Variants in GRM5 observed in about 807,000 individuals in gnomAD.
GRM5 encodes glutamate metabotropic receptor 5, also known as metabotropic glutamate receptor 5.
Under a neutral mutation model 83.1 loss-of-function variants are expected in GRM5, and 19 were observed. The ratio of observed to expected loss-of-function variants is 0.23; its 90% CI spans 0.16 to 0.34. GRM5 has a LOEUF of 0.34. GRM5 is among the 10% of genes least tolerant of loss of function. The pLI, the probability that GRM5 is intolerant of heterozygous loss-of-function variation, is 1.00. For synonymous variants in GRM5, 675 were observed against 633.6 expected, an observed-to-expected ratio of 1.07 and a Z score of -0.98; for missense variants, 1,160 against 1,588.3, an observed-to-expected ratio of 0.73 and a Z score of 4.58.
chr11:89,033,028 T>G (rs2135127422), intron 2 of GRM5, among the ~76,000 whole-genome samples: 1 of 152,146 alleles, frequency 6.6e-6, no homozygotes, highest in East Asian at 1.9e-4. Flanking sequence ...ACTCAATATT[T>G]TGTAAGAAAA....
intron 3 of GRM5, among the ~76,000 whole-genome samples, chr11:88,797,765 A>G (rs1450831294): frequency 1.3e-5 from 2 of 151,812 alleles, no homozygotes; most frequent in Non-Finnish European, 2.9e-5. Context: ...GATTATTTCT[A>G]TCTAGATTTT....
At chr11:88,910,075 G>A (rs564495083) in intron 2 of GRM5, among the ~76,000 whole-genome samples, 11 of 152,082 alleles carry the variant, frequency 7.2e-5, no homozygotes, top group African/African-American at 2.6e-4. Context: ...TCACTCCCCA[G>A]TTCCCACTTC....
At chr11:88,997,079 G>A (rs1242368545) in intron 2 of GRM5, among the ~76,000 whole-genome samples, 2 of 152,038 alleles carry the variant, frequency 1.3e-5, no homozygotes, top group Non-Finnish European at 2.9e-5. Context: ...AATCCCAGCA[G>A]TTTGGGAGGC....
intron 2 of GRM5, among the ~76,000 whole-genome samples, chr11:89,022,486 C>CAAAAAAA (rs10573194): frequency 7.9e-6 from 1 of 126,062 alleles, no homozygotes; most frequent in African/African-American, 2.8e-5. Context: ...ACTAAAAATA[C>CAAAAAAA]AAAAAAAAAA....
intron 2 of GRM5, among the ~76,000 whole-genome samples, chr11:88,875,684 C>T (rs1182807756): frequency 6.6e-6 from 1 of 152,038 alleles, no homozygotes; most frequent in African/African-American, 2.4e-5. Context: ...AAATTTCTCC[C>T]TGATCCATGA....
intron 2 of GRM5, among the ~76,000 whole-genome samples, chr11:88,926,971 T>G (rs1177125410): frequency 2.6e-5 from 4 of 152,208 alleles, no homozygotes; most frequent in Admixed American, 2.6e-4. Context: ...ACATTTCAAC[T>G]ATTTACATGT....
At chr11:88,908,817 A>C (rs191658677) in intron 2 of GRM5, among the ~76,000 whole-genome samples, 1 of 152,268 alleles carries the variant, frequency 6.6e-6, no homozygotes, top group African/African-American at 2.4e-5. Flanking sequence ...CTGTTTGTTC[A>C]GATTTCAGAA....
intron 3 of GRM5, among the ~76,000 whole-genome samples, chr11:88,757,386 C>T (rs111700814): frequency 0.032 from 4,930 of 152,276 alleles, 120 homozygotes; most frequent in Non-Finnish European, 0.05. Flanking sequence ...CCCACTTCCC[C>T]TACCCTACTG....
intron 3 of GRM5, among the ~76,000 whole-genome samples, chr11:88,810,474 T>G (rs10501690): frequency 4.6e-5 from 7 of 152,016 alleles, no homozygotes; most frequent in African/African-American, 1.7e-4. Flanking sequence ...AATGCTCATA[T>G]ATAAGATTAG....
At chr11:88,873,238 A>T (rs1481485250) in intron 2 of GRM5, among the ~76,000 whole-genome samples, 1 of 151,610 alleles carries the variant, frequency 6.6e-6, no homozygotes, top group Non-Finnish European at 1.5e-5. Context: ...AAAGAAAGAG[A>T]TTGCACTGCA....
At chr11:88,919,219 C>T (rs773520133) in intron 2 of GRM5, among the ~76,000 whole-genome samples, 18 of 56,868 alleles carry the variant, frequency 3.2e-4, no homozygotes, top group Non-Finnish European at 6.5e-4. Context: ...CAATGGCATT[C>T]GAAGAACAGC....
chr11:88,979,703 T>A (rs1939462238), intron 2 of GRM5, among the ~76,000 whole-genome samples: 1 of 152,214 alleles, frequency 6.6e-6, no homozygotes, highest in South Asian at 2.1e-4. Context: ...TTAGGTCTGA[T>A]GCTTCTGTGA....
intron 2 of GRM5, among the ~76,000 whole-genome samples, chr11:88,919,929 A>T (rs1230764010): frequency 6.6e-6 from 1 of 152,082 alleles, no homozygotes; most frequent in Admixed American, 6.6e-5. Flanking sequence ...TATACCAATA[A>T]GTGCCTACAT....
intron 7 of GRM5, among the ~76,000 whole-genome samples, chr11:88,570,562 TATATA>T (rs1942968082): frequency 1.3e-5 from 1 of 78,750 alleles, no homozygotes; most frequent in Non-Finnish European, 2.3e-5. Context: ...TATATATATA[TATATA>T]TATATTTTTT....
chr11:88,951,538 CTCA>C (rs1320559494), intron 2 of GRM5, among the ~76,000 whole-genome samples: 1 of 152,164 alleles, frequency 6.6e-6, no homozygotes, highest in African/African-American at 2.4e-5. Context: ...TCAACAATGG[CTCA>C]TATTATTCCC....
chr11:88,916,033 A>G (rs1258921126), intron 2 of GRM5, among the ~76,000 whole-genome samples: 1 of 152,146 alleles, frequency 6.6e-6, no homozygotes, highest in Non-Finnish European at 1.5e-5. Flanking sequence ...TAATAAGATA[A>G]ATTTGAGAAT....
chr11:88,739,195 A>G (rs951897714), intron 3 of GRM5, among the ~76,000 whole-genome samples: 1 of 152,060 alleles, frequency 6.6e-6, no homozygotes, highest in African/African-American at 2.4e-5. Context: ...TCTCCTTGGC[A>G]TATGGTAAAC....
intron 3 of GRM5, among the ~76,000 whole-genome samples, chr11:88,761,015 T>TA (rs917547134): frequency 6.6e-6 from 1 of 152,162 alleles, no homozygotes; most frequent in South Asian, 2.1e-4. Context: ...TGCTTCATGT[T>TA]AAAAAACCCT....
At chr11:88,533,658 G>A (rs1424412127) in intron 8 of GRM5, among the ~76,000 whole-genome samples, 1 of 152,092 alleles carries the variant, frequency 6.6e-6, no homozygotes, top group Non-Finnish European at 1.5e-5. Flanking sequence ...AATATTTATT[G>A]AATGAGGTAT....
Sources: allele counts gnomAD v4.1 joint callset (sites outside exome capture counted in the v4.1 genomes callset), GRCh38; gene constraint gnomAD v4.1.1; transcripts MANE v1.5; gene names NCBI Gene and HGNC (gene_info 2026-07-23, HGNC 2026-07-21).